The following COL10A1 variants were observed in gnomAD, a reference collection of about 807,000 sequenced individuals.
The protein encoded by COL10A1 is collagen type X alpha 1 chain.
A neutral mutation model predicts 18.2 loss-of-function variants in COL10A1; 10 were observed. The observed-to-expected ratio is 0.55, with a 90% CI of 0.34 to 0.93. The LOEUF (loss-of-function observed/expected upper bound fraction) is 0.93. Among genes scored for constraint, COL10A1 ranks in the 40% least tolerant of loss-of-function variants. The probability of loss-of-function intolerance (pLI) is 0.02; values close to 1 mark genes in which losing one functional copy is unlikely to be tolerated. For synonymous variants in COL10A1, 330 were observed against 316.6 expected, an observed-to-expected ratio of 1.04 and a Z score of -0.45; for missense variants, 897 against 853.5, an observed-to-expected ratio of 1.05 and a Z score of -0.64.
At chr6:116,132,759 GTTC>G (rs1779502060) in intron 1 of COL10A1, among the ~76,000 whole-genome samples, 1 of 152,086 alleles carries the variant, frequency 6.6e-6, no homozygotes, top group Non-Finnish European at 1.5e-5. Flanking sequence ...TGACTTTCCT[GTTC>G]TTCTAATCCT....
intron 1 of COL10A1, among the ~76,000 whole-genome samples, chr6:116,134,157 G>A (rs1250320880): frequency 1.3e-5 from 2 of 152,322 alleles, no homozygotes; most frequent in African/African-American, 4.8e-5. Flanking sequence ...TGGTGATGAT[G>A]ACCATACTGG....
intron 2 of COL10A1, among the ~76,000 whole-genome samples, chr6:116,122,421 C>CCT (rs1779159328): frequency 6.6e-6 from 1 of 152,186 alleles, no homozygotes; most frequent in Non-Finnish European, 1.5e-5. Flanking sequence ...ATCTGCCATG[C>CCT]CTCTGCTGAA....
chr6:116,150,367 C>T (rs976306778), intron 1 of COL10A1, among the ~76,000 whole-genome samples: 2 of 152,110 alleles, frequency 1.3e-5, no homozygotes, highest in Non-Finnish European at 2.9e-5. Flanking sequence ...TCACTGCAAC[C>T]TCCACCTCCC....
At chr6:116,212,865 T>C in the COL10A1 span, among the ~76,000 whole-genome samples, 1 of 152,164 alleles carries the variant, frequency 6.6e-6, no homozygotes, top group African/African-American at 2.4e-5. Context: ...TTGGATTTCT[T>C]TAAACTGTTT....
chr6:116,171,255 A>G, the COL10A1 span, among the ~76,000 whole-genome samples: 1 of 152,184 alleles, frequency 6.6e-6, no homozygotes. Context: ...TTAATTGCCA[A>G]GATTATTATT....
At chr6:116,196,763 ACTCT>A in the COL10A1 span, among the ~76,000 whole-genome samples, 11 of 151,156 alleles carry the variant, frequency 7.3e-5, no homozygotes, top group Admixed American at 6.6e-5. Flanking sequence ...ATGCTGGCTC[ACTCT>A]CTCCACCTTT....
In COL10A1 at chr6:116,120,528, G is replaced by A; in HGVS notation, c.1588C>T (p.Gln530Ter). ...GGGGTCCCAGAAAGACTGGGCCTTT[G>A]GCCTGCCTTTATAAAACCCTCAGGC... is the stretch of plus-strand genomic sequence containing the variant. ...VMPEGFIKAG[Q>*]RPSLSGTPLV... The change falls in exon 3 of 3, where the codon CAA (glutamine) becomes TAA (stop). Residue 530 changes from glutamine to a stop codon, truncating the protein, a stop_gained. Coordinates refer to ENST00000651968, the MANE Select transcript of COL10A1 (RefSeq NM_000493.4). LOFTEE classifies it low-confidence loss of function (END_TRUNC). The A allele has an allele frequency of 6.2e-7, 1 of 1,614,032 alleles. No homozygotes were observed. The highest frequency in any genetic ancestry group is 8.5e-7 in the Non-Finnish European group (1 of 1,179,978).
intron 1 of COL10A1, among the ~76,000 whole-genome samples, chr6:116,138,827 A>G (rs1779690159): frequency 6.6e-6 from 1 of 152,106 alleles, no homozygotes; most frequent in Admixed American, 6.5e-5. Flanking sequence ...CTTGATTACA[A>G]CTATGATATT....
intron 1 of COL10A1, among the ~76,000 whole-genome samples, chr6:116,151,039 T>C (rs1780024073): frequency 6.6e-6 from 1 of 152,232 alleles, no homozygotes; most frequent in East Asian, 1.9e-4. Context: ...TGTTATCTCA[T>C]TGATAGAAAT....
At chr6:116,160,107 T>C (rs74924189), upstream of COL10A1, among the ~76,000 whole-genome samples, 866 of 152,312 alleles carry the variant, frequency 5.7e-3, 17 homozygotes, top group South Asian at 0.046. Context: ...ATAAAATGAT[T>C]TATTTTCCTT....
intron 1 of COL10A1, among the ~76,000 whole-genome samples, chr6:116,145,006 T>C (rs953886819): frequency 6.6e-6 from 1 of 152,206 alleles, no homozygotes; most frequent in Non-Finnish European, 1.5e-5. Flanking sequence ...GAATGTATTA[T>C]GTACCAATTA....
chr6:116,120,818 G>A lies in COL10A1; in HGVS notation c.1298C>T (p.Pro433Leu). The change falls in exon 3 of 3, where the codon CCC becomes CTC. Residue 433 changes from proline (P) to leucine (L), a missense_variant. Pro to Leu is a moderately conservative substitution (Grantham distance 98). Coordinates refer to ENST00000651968, the MANE Select transcript of COL10A1 (RefSeq NM_000493.4). ...PVGPAGAKGM[P>L]GHNGEAGPRG... Reference sequence around the variant, plus strand: ...TGGGCCAGCCTCTCCATTGTGTCCGGGCATTCCCTTTGCTCCTGCTGGGCC... The same window carrying A: ...TGGGCCAGCCTCTCCATTGTGTCCGAGCATTCCCTTTGCTCCTGCTGGGCC... 6.2e-7 allele frequency: 1 copy of A among 1,613,904 alleles called. No individual in the cohort carries two copies. The highest frequency in any genetic ancestry group is 2.2e-5 in the East Asian group (1 of 44,870).
intron 1 of COL10A1, among the ~76,000 whole-genome samples, chr6:116,134,488 T>C (rs1779541120): frequency 6.6e-6 from 1 of 152,228 alleles, no homozygotes; most frequent in African/African-American, 2.4e-5. Flanking sequence ...GTGCCTGTTA[T>C]AAGGCATAGA....
chr6:116,133,490 G>A lies in COL10A1; in HGVS notation c.-15-7983C>T, dbSNP rs566752016. Among the ~76,000 whole-genome samples, 12 of 152,228 alleles carry A rather than the reference G, an allele frequency of 7.9e-5. No individual in the cohort carries two copies. The South Asian group carries it at 2.1e-3, about 26-fold the overall frequency. ...AAAGTAAAGTACTTGTAGGGTACAC[G>A]AGTACCTGTAGAATATTAAGTACCT... On this transcript the variant is annotated intron_variant, in intron 1 of 1. Coordinates refer to the COL10A1 transcript ENST00000418500.
the COL10A1 span, among the ~76,000 whole-genome samples, chr6:116,199,683 A>G: frequency 3.3e-5 from 5 of 152,050 alleles, no homozygotes; most frequent in African/African-American, 4.8e-5. Context: ...AAAAATTACA[A>G]TGATGGAGGT....
the COL10A1 span, among the ~76,000 whole-genome samples, chr6:116,204,505 A>G: frequency 1.3e-5 from 2 of 151,974 alleles, no homozygotes; most frequent in South Asian, 2.1e-4. Context: ...ACACACATAT[A>G]TGCTGCTAAC....
chr6:116,135,412 C>G (rs957981977), intron 1 of COL10A1, among the ~76,000 whole-genome samples: 6 of 148,730 alleles, frequency 4.0e-5, no homozygotes, highest in African/African-American at 1.5e-4. Context: ...TCCATAACCG[C>G]CCCCCCCACC....
intron 1 of COL10A1, among the ~76,000 whole-genome samples, chr6:116,151,139 C>T (rs1476335025): frequency 6.6e-6 from 1 of 152,110 alleles, no homozygotes; most frequent in Non-Finnish European, 1.5e-5. Flanking sequence ...ATCTGCTCAG[C>T]CTTCTTTTTG....
chr6:116,121,507 A>G lies in COL10A1; in HGVS notation c.609T>C (p.Gly203=). The change falls in exon 3 of 3, where the codon GGT becomes GGC. Residue 203 remains glycine, a synonymous_variant. Coordinates refer to ENST00000651968, the MANE Select transcript of COL10A1 (RefSeq NM_000493.4). ...CTGTGGGACCCTGAGGGCCTGGAAG[A>G]CCCCTCTCACCTGGACGACCAGGAG... is the stretch of plus-strand genomic sequence containing the variant. ...YGAPGRPGER[G]LPGPQGPTGP... is the part of the protein sequence containing the mutation. 1 of 1,613,658 alleles carries G rather than the reference A, an allele frequency of 6.2e-7. No homozygotes were observed. The highest frequency in any genetic ancestry group is 2.2e-5 in the East Asian group (1 of 44,840).
Sources: gnomAD v4.1 joint callset for allele counts (sites outside exome capture counted in the v4.1 genomes callset) on GRCh38, gnomAD v4.1.1 for gene constraint, MANE v1.5 for transcripts, NCBI Gene and HGNC (gene_info 2026-07-23, HGNC 2026-07-21) for gene names.